SMARCC1: variants seen among roughly 807,000 people sequenced by gnomAD.
The protein encoded by SMARCC1 is SWI/SNF complex subunit SMARCC1.
In SMARCC1, 43 loss-of-function variants were observed where a neutral mutation model predicts 147.4. The ratio of observed to expected loss-of-function variants is 0.29; its 90% CI spans 0.23 to 0.38. The LOEUF (loss-of-function observed/expected upper bound fraction) is 0.38, where lower values mean the gene tolerates loss of function less well. Ranked by LOEUF, SMARCC1 falls within the 10% of genes least tolerant of loss-of-function variation. The pLI is 1.00. For missense variants in SMARCC1, 1,119 were observed against 1,381.1 expected, an observed-to-expected ratio of 0.81 and a Z score of 3.01; for synonymous variants, 495 against 484.4, an observed-to-expected ratio of 1.02 and a Z score of -0.29.
intron 2 of SMARCC1, among the ~76,000 whole-genome samples, chr3:47,754,712 C>T (rs2034667726): frequency 6.6e-6 from 1 of 152,038 alleles, no homozygotes; most frequent in Non-Finnish European, 1.5e-5. Flanking sequence ...AAAAAAGAAA[C>T]AACTAAAAGT....
intron 11 of SMARCC1, among the ~76,000 whole-genome samples, chr3:47,695,014 T>C (rs1244082441): frequency 2.6e-5 from 4 of 152,224 alleles, no homozygotes; most frequent in Non-Finnish European, 4.4e-5. Context: ...TATGTAACAG[T>C]GATTCTAAAC....
intron 12 of SMARCC1, among the ~76,000 whole-genome samples, chr3:47,690,125 G>A (rs2033773521): frequency 6.6e-6 from 1 of 152,154 alleles, no homozygotes; most frequent in Non-Finnish European, 1.5e-5. Flanking sequence ...GGAGACTGAA[G>A]TGGGAGACTC....
At chr3:47,617,443 A>C (rs2032660284) in intron 25 of SMARCC1, among the ~76,000 whole-genome samples, 1 of 152,270 alleles carries the variant, frequency 6.6e-6, no homozygotes, top group Non-Finnish European at 1.5e-5. Flanking sequence ...AATGCTCACA[A>C]AGCCAACAAT....
At chr3:47,707,175 G>A (rs1349207212) in intron 9 of SMARCC1, among the ~76,000 whole-genome samples, 1 of 152,048 alleles carries the variant, frequency 6.6e-6, no homozygotes, top group Non-Finnish European at 1.5e-5. Context: ...AGCTGGGTAT[G>A]GTGGAGCATG....
intron 2 of SMARCC1, among the ~76,000 whole-genome samples, chr3:47,766,325 G>C (rs757054440): frequency 6.6e-6 from 1 of 151,962 alleles, no homozygotes; most frequent in Non-Finnish European, 1.5e-5. Context: ...CAGGACTTTG[G>C]GGGGCCAAGG....
intron 19 of SMARCC1, among the ~76,000 whole-genome samples, chr3:47,666,904 C>T (rs1348985440): frequency 1.3e-5 from 2 of 152,082 alleles, no homozygotes; most frequent in East Asian, 1.9e-4. Context: ...GATATATTTC[C>T]TGGGTTTTGC....
In SMARCC1 at chr3:47,610,241, C is replaced by A; in HGVS notation, c.2868G>T (p.Gln956His). The A allele has an allele frequency of 6.2e-7, 1 of 1,614,204 alleles. No homozygotes were observed. ...GGCCATGCTGCTGCTGTTCCATTTG[C>A]TGTCGTGCTCGTAATTCAGCATACT... ...QLKYAELRAR[Q>H]QMEQQQHGQN... Residue 956 changes from glutamine (Q) to histidine (H), a missense_variant, in exon 26 of 28, where the codon CAG becomes CAT. Transcript: ENST00000254480.
intron 19 of SMARCC1, 83 bp downstream of exon 19, chr3:47,670,575 C>A (rs2033481457): frequency 7.6e-6 from 7 of 917,140 alleles, no homozygotes; most frequent in South Asian, 1.3e-5. Flanking sequence ...CACAGCGAGA[C>A]CCTGCCTCTA....
chr3:47,615,666 C>T lies in SMARCC1; in HGVS notation c.2782-5339G>A, dbSNP rs988054716. Among the ~76,000 whole-genome samples the T allele has an allele frequency of 6.6e-4, 101 of 152,106 alleles. 1 individual carries two copies. The highest frequency in any genetic ancestry group is 2.3e-3 in the African/African-American group (97 of 41,492). On this transcript the variant is annotated intron_variant, in intron 25 of 27. Transcript: ENST00000254480. ...TAATAGTCCCTCTTTTCTGAAGGTA[C>T]ACAATTTCTTTCTTTTCTTTTCTTT...
intron 26 of SMARCC1, chr3:47,604,322 C>A (rs1374901050): frequency 1.3e-5 from 6 of 456,458 alleles, no homozygotes. Flanking sequence ...CTAGTCCCTC[C>A]TCTCAGCACT....
At chr3:47,697,922 G>A (rs913398161) in intron 11 of SMARCC1, among the ~76,000 whole-genome samples, 4 of 146,236 alleles carry the variant, frequency 2.7e-5, no homozygotes, top group African/African-American at 7.4e-5. Context: ...GCAGGAGAAC[G>A]GTGTGAACCT....
intron 11 of SMARCC1, among the ~76,000 whole-genome samples, chr3:47,700,734 A>G (rs2033907730): frequency 6.6e-6 from 1 of 152,212 alleles, no homozygotes; most frequent in African/African-American, 2.4e-5. Context: ...CACATTGGCC[A>G]GGCTGGTCTT....
At chr3:47,751,444 G>A (rs1199976662) in intron 2 of SMARCC1, among the ~76,000 whole-genome samples, 2 of 152,016 alleles carry the variant, frequency 1.3e-5, no homozygotes, top group African/African-American at 4.8e-5. Flanking sequence ...GGGAGGCTGA[G>A]GCAGAAGAAT....
intron 7 of SMARCC1, among the ~76,000 whole-genome samples, chr3:47,720,239 T>A (rs2034214614): frequency 6.6e-6 from 1 of 152,098 alleles, no homozygotes; most frequent in Admixed American, 6.6e-5. Flanking sequence ...TTCTCCTGCC[T>A]TAGCTTCCTG....
At chr3:47,664,643 G>A (rs1467834746) in intron 19 of SMARCC1, among the ~76,000 whole-genome samples, 1 of 152,136 alleles carries the variant, frequency 6.6e-6, no homozygotes, top group Non-Finnish European at 1.5e-5. Flanking sequence ...TTTATTTAGT[G>A]GCATACTGAA....
chr3:47,594,352 A>T (rs1019031335), intron 26 of SMARCC1, among the ~76,000 whole-genome samples: 1 of 152,236 alleles, frequency 6.6e-6, no homozygotes, highest in Non-Finnish European at 1.5e-5. Flanking sequence ...GCTGGAAAAT[A>T]ACTTGGTCAA....
chr3:47,605,061 A>G (rs1209863060), intron 26 of SMARCC1, among the ~76,000 whole-genome samples: 1 of 152,134 alleles, frequency 6.6e-6, no homozygotes, highest in African/African-American at 2.4e-5. Flanking sequence ...TCAAACTCCA[A>G]AGCAACCCAA....
chr3:47,645,998 C>A (rs890891927), intron 21 of SMARCC1, among the ~76,000 whole-genome samples: 2 of 152,018 alleles, frequency 1.3e-5, no homozygotes, highest in African/African-American at 4.8e-5. Context: ...AGACCTGGCT[C>A]GGACTTTTAA....
rs1034934469 is a variant in SMARCC1, at chr3:47,781,864, G to A, written c.-67C>T. ...CTCGCGGTGTTTCCCGGTCGTTCCC[G>A]CGCGCACCCCCGCGCGCGTAGCCGC... On this transcript the variant is annotated 5_prime_UTR_variant, in exon 1 of 28. Transcript: ENST00000254480. 58 of 1,119,704 alleles carry A rather than the reference G, an allele frequency of 5.2e-5. No homozygotes were observed. The African/African-American group carries it at 9.0e-4, about 17-fold the overall frequency. The allele number at this position is 1,119,704 out of a possible 1,614,324, so 69.4% of individuals were successfully genotyped here. A position where few individuals can be genotyped will look rare whatever the true frequency, so the allele number is the denominator to read the frequency against.
Sources: gnomAD v4.1 joint callset for allele counts (sites outside exome capture counted in the v4.1 genomes callset) on GRCh38, gnomAD v4.1.1 for gene constraint, MANE v1.5 for transcripts, NCBI Gene and HGNC (gene_info 2026-07-23, HGNC 2026-07-21) for gene names.